ELOC: variants seen among roughly 807,000 people sequenced by gnomAD.
ELOC encodes the protein elongin-C.
For synonymous variants in ELOC, 40 were observed against 51.3 expected, an observed-to-expected ratio of 0.78 and a Z score of 0.94; for missense variants, 38 against 139.0, an observed-to-expected ratio of 0.27 and a Z score of 3.65.
At chr8:73,952,625 A>G (rs944655336) in intron 3 of ELOC, among the ~76,000 whole-genome samples, 3 of 151,330 alleles carry the variant, frequency 2.0e-5, no homozygotes, top group Non-Finnish European at 4.4e-5. Flanking sequence ...CTAAAAATAC[A>G]AAAAAATTAG....
At chr8:73,960,403 T>C (rs140887376) in intron 1 of ELOC, among the ~76,000 whole-genome samples, 284 of 152,280 alleles carry the variant, frequency 1.9e-3, no homozygotes, top group African/African-American at 6.6e-3. Context: ...TGGGTCCTGG[T>C]AGTTTATGTT....
Position 73,958,092 on chromosome 8 carries a change from G to GTT in ELOC, c.4+1671_4+1672dup, listed in dbSNP as rs34797762. 3.0e-3 allele frequency among the ~76,000 whole-genome samples: 401 copies of GTT among 134,092 alleles called. 2 individuals are homozygous for GTT. The highest frequency in any genetic ancestry group is 3.8e-3 in the Middle Eastern group (1 of 262). 88.0% of individuals were successfully genotyped at this position (134,092 alleles called of 152,430 possible). A position where few individuals can be genotyped will look rare whatever the true frequency, so the allele number is the denominator to read the frequency against. ...CACCCGGACTACTTATTTATTTATG[G>GTT]TTTTTTTTTTTTTTTTTTTAAGAGA... On this transcript the variant is annotated intron_variant, in intron 2 of 3. Coordinates refer to ENST00000520242, the MANE Select transcript of ELOC (RefSeq NM_005648.4).
intron 1 of ELOC, among the ~76,000 whole-genome samples, chr8:73,967,555 C>T (rs1186700531): frequency 6.6e-6 from 1 of 151,424 alleles, no homozygotes; most frequent in Non-Finnish European, 1.5e-5. Flanking sequence ...GCAACCTCCA[C>T]CTCCCAGGTT....
intron 3 of ELOC, among the ~76,000 whole-genome samples, chr8:73,954,996 T>C (rs1229332864): frequency 8.9e-5 from 12 of 135,284 alleles, no homozygotes; most frequent in Non-Finnish European, 1.4e-4. Flanking sequence ...ATGGCACCAT[T>C]GCACTCCAGC....
chr8:73,946,580 C>T lies in ELOC; in HGVS notation c.*50G>A, dbSNP rs1813396061. On this transcript the variant is annotated 3_prime_UTR_variant, in exon 4 of 4. Coordinates refer to ENST00000520242, the MANE Select transcript of ELOC (RefSeq NM_005648.4). ...TATGAAAAAGTTACTAACTGAACTACAGGTATTAAATACTGAAAAGAGTTA... is the reference window on the plus strand; with the variant it reads ...TATGAAAAAGTTACTAACTGAACTATAGGTATTAAATACTGAAAAGAGTTA... 1 of 1,402,484 alleles carries T rather than the reference C, an allele frequency of 7.1e-7. No individual in the cohort carries two copies. Among genetic ancestry groups the T allele is most frequent in the East Asian group, 2.5e-5 (1 of 39,908 alleles). 86.9% of individuals were successfully genotyped at this position (1,402,484 alleles called of 1,614,324 possible). A position where few individuals can be genotyped will look rare whatever the true frequency, so the allele number is the denominator to read the frequency against.
At chr8:73,970,572 T>C (rs1414936579) in intron 1 of ELOC, 4 of 152,162 alleles carry the variant, frequency 2.6e-5, no homozygotes, top group African/African-American at 9.7e-5. Context: ...TCCATTATAG[T>C]ACGTACCACA....
intron 3 of ELOC, among the ~76,000 whole-genome samples, chr8:73,950,556 T>A (rs1302835057): frequency 1.3e-5 from 2 of 152,160 alleles, no homozygotes; most frequent in Non-Finnish European, 2.9e-5. Context: ...TGTTTTGTAA[T>A]CTCAAAGTAA....
At chr8:73,964,351 A>T (rs1814827105) in intron 1 of ELOC, 2 of 152,174 alleles carry the variant, frequency 1.3e-5, no homozygotes, top group South Asian at 4.1e-4. Context: ...TCTTCAACAA[A>T]GGAAGCTGGA....
At chr8:73,951,828 A>G (rs1401466145) in intron 3 of ELOC, among the ~76,000 whole-genome samples, 2 of 152,222 alleles carry the variant, frequency 1.3e-5, no homozygotes, top group Admixed American at 6.5e-5. Context: ...TGGTACTGGC[A>G]TAAGGACAGA....
intron 3 of ELOC, among the ~76,000 whole-genome samples, chr8:73,953,228 C>A (rs374574600): frequency 1.3e-5 from 2 of 152,020 alleles, no homozygotes; most frequent in African/African-American, 4.8e-5. Context: ...ATCGTTTGAA[C>A]CTGGGAGGTG....
At chr8:73,962,636 CTT>C (rs894654510) in intron 1 of ELOC, among the ~76,000 whole-genome samples, 1 of 151,658 alleles carries the variant, frequency 6.6e-6, no homozygotes, top group African/African-American at 2.4e-5. Context: ...AGGGCCAACT[CTT>C]TTATCTGGAA....
chr8:73,948,121 G>A (rs1436351468), intron 3 of ELOC, among the ~76,000 whole-genome samples: 1 of 151,902 alleles, frequency 6.6e-6, no homozygotes. Context: ...GAACCCAGGA[G>A]GCAGAGGTTG....
At chr8:73,966,270 G>C (rs1334773007) in intron 1 of ELOC, among the ~76,000 whole-genome samples, 2 of 152,146 alleles carry the variant, frequency 1.3e-5, no homozygotes, top group Non-Finnish European at 2.9e-5. Context: ...CATTAACAGA[G>C]ATCTGAAGAA....
intron 1 of ELOC, among the ~76,000 whole-genome samples, chr8:73,968,432 A>G (rs1815138574): frequency 6.6e-6 from 1 of 152,174 alleles, no homozygotes; most frequent in Non-Finnish European, 1.5e-5. Context: ...CGACCTAATT[A>G]TTCTCTCAAA....
intron 1 of ELOC, among the ~76,000 whole-genome samples, chr8:73,971,150 A>G (rs1815369663): frequency 6.6e-6 from 1 of 152,102 alleles, no homozygotes; most frequent in Admixed American, 6.6e-5. Flanking sequence ...TCACGCCTGT[A>G]ACCCCAGCAC....
At chr8:73,956,124 G>T in intron 2 of ELOC, 70 bp from the exon 3 acceptor site, 1 of 1,471,656 alleles carries the variant, frequency 6.8e-7, no homozygotes, top group Non-Finnish European at 9.3e-7. Context: ...GGTTTGGCTG[G>T]GCGCAGTGGC....
intron 1 of ELOC, among the ~76,000 whole-genome samples, chr8:73,965,093 A>C (rs938401183): frequency 2.4e-4 from 36 of 151,862 alleles, no homozygotes; most frequent in African/African-American, 8.7e-4. Context: ...AAATGAAGTC[A>C]AGCCACGAAC....
At chr8:73,956,997 C>T (rs1814235114) in intron 2 of ELOC, among the ~76,000 whole-genome samples, 1 of 152,008 alleles carries the variant, frequency 6.6e-6, no homozygotes, top group African/African-American at 2.4e-5. Flanking sequence ...CGGTGAAACC[C>T]CGTCTCTACT....
At chr8:73,951,625 AAAAC>A (rs755331494) in intron 3 of ELOC, among the ~76,000 whole-genome samples, 45 of 147,890 alleles carry the variant, frequency 3.0e-4, no homozygotes, top group Middle Eastern at 3.4e-3. Context: ...CCCTATCTCA[AAAAC>A]AAACAAACAA....
Sources: gnomAD v4.1 joint callset for allele counts (sites outside exome capture counted in the v4.1 genomes callset) on GRCh38, gnomAD v4.1.1 for gene constraint, MANE v1.5 for transcripts, NCBI Gene and HGNC (gene_info 2026-07-23, HGNC 2026-07-21) for gene names.